The following CAMKMT variants were observed in gnomAD, a reference collection of about 807,000 sequenced individuals.
The protein encoded by CAMKMT is calmodulin-lysine N-methyltransferase.
In CAMKMT, 53 loss-of-function variants were observed where a neutral mutation model predicts 48.0. The observed-to-expected ratio is 1.10, with a 90% CI of 0.89 to 1.39. CAMKMT has a LOEUF of 1.39. Ranked by LOEUF, CAMKMT falls within the 40% of genes most tolerant of loss-of-function variation. CAMKMT has a pLI of 0.00. For missense variants in CAMKMT, 428 were observed against 402.7 expected (o/e 1.06, Z -0.54); for synonymous variants, 165 against 152.3 (o/e 1.08, Z -0.61).
At chr2:44,620,815 G>A (rs1185734434) in intron 3 of CAMKMT, among the ~76,000 whole-genome samples, 1 of 152,154 alleles carries the variant, frequency 6.6e-6, no homozygotes, top group Non-Finnish European at 1.5e-5. Flanking sequence ...TGCCTGTTTA[G>A]AATTCAGGCT....
chr2:44,367,152 T>A (rs1269911990), intron 1 of CAMKMT, among the ~76,000 whole-genome samples: 1 of 152,222 alleles, frequency 6.6e-6, no homozygotes, highest in African/African-American at 2.4e-5. Context: ...TTCTGTTAAC[T>A]GTCCTTTTAA....
intron 3 of CAMKMT, among the ~76,000 whole-genome samples, chr2:44,567,442 A>C (rs76121819): frequency 0.012 from 1,809 of 152,284 alleles, 42 homozygotes; most frequent in African/African-American, 0.039. Context: ...GGATAGAAAA[A>C]TTATGTTCAT....
chr2:44,730,911 C>T (rs1679046739), intron 7 of CAMKMT, among the ~76,000 whole-genome samples: 3 of 152,236 alleles, frequency 2.0e-5, no homozygotes, highest in African/African-American at 7.2e-5. Context: ...ATACAAAGAA[C>T]ATGGCTGCCT....
At chr2:44,768,361 A>ATT (rs1553448674) in intron 10 of CAMKMT, among the ~76,000 whole-genome samples, 8,576 of 115,612 alleles carry the variant, frequency 0.074, 470 homozygotes, top group South Asian at 0.16. Flanking sequence ...ATATATATAT[A>ATT]TTTTTTTTTT....
intron 3 of CAMKMT, among the ~76,000 whole-genome samples, chr2:44,590,577 G>T (rs1202381783): frequency 6.6e-6 from 1 of 152,112 alleles, no homozygotes; most frequent in African/African-American, 2.4e-5. Context: ...GTCTGTTCAT[G>T]TCCTTCACCC....
intron 3 of CAMKMT, among the ~76,000 whole-genome samples, chr2:44,498,202 C>G (rs1281386670): frequency 6.6e-6 from 1 of 152,096 alleles, no homozygotes; most frequent in Non-Finnish European, 1.5e-5. Flanking sequence ...TGCTTAACCT[C>G]TCTAGATAGC....
intron 3 of CAMKMT, among the ~76,000 whole-genome samples, chr2:44,391,333 T>C (rs1303728691): frequency 6.6e-6 from 1 of 152,176 alleles, no homozygotes; most frequent in Non-Finnish European, 1.5e-5. Context: ...TAGGTTTCTT[T>C]TTTATGGATA....
intron 3 of CAMKMT, among the ~76,000 whole-genome samples, chr2:44,510,852 T>G (rs1349365133): frequency 1.3e-5 from 2 of 152,132 alleles, no homozygotes; most frequent in Admixed American, 6.5e-5. Context: ...TATCACTTTT[T>G]TTTTTTGAGG....
chr2:44,461,681 A>G (rs1320775617), intron 3 of CAMKMT, among the ~76,000 whole-genome samples: 2 of 152,360 alleles, frequency 1.3e-5, no homozygotes, highest in African/African-American at 2.4e-5. Flanking sequence ...AATGACTACT[A>G]TTATATGTTT....
At chr2:44,709,998 C>A (rs926633992) in intron 6 of CAMKMT, among the ~76,000 whole-genome samples, 18 of 151,656 alleles carry the variant, frequency 1.2e-4, no homozygotes, top group Non-Finnish European at 1.3e-4. Flanking sequence ...GTATATTATT[C>A]TTATCATTTT....
intron 3 of CAMKMT, among the ~76,000 whole-genome samples, chr2:44,509,288 C>A (rs1670417688): frequency 2.0e-5 from 3 of 150,790 alleles, no homozygotes; most frequent in African/African-American, 7.3e-5. Flanking sequence ...TAGACTATTA[C>A]AAAAAAAAAG....
At chr2:44,627,543 T>A (rs190223795) in intron 3 of CAMKMT, among the ~76,000 whole-genome samples, 10 of 152,148 alleles carry the variant, frequency 6.6e-5, no homozygotes, top group African/African-American at 2.4e-4. Context: ...AAAGTTTCGT[T>A]CACAGATTCA....
chr2:44,375,319 G>A (rs1052593079), intron 2 of CAMKMT, among the ~76,000 whole-genome samples: 4 of 150,996 alleles, frequency 2.6e-5, no homozygotes, highest in African/African-American at 7.3e-5. Flanking sequence ...GAAAAAAAAG[G>A]GATGAATAGT....
At chr2:44,565,513 C>A (rs144436999) in intron 3 of CAMKMT, among the ~76,000 whole-genome samples, 1 of 152,000 alleles carries the variant, frequency 6.6e-6, no homozygotes, top group Non-Finnish European at 1.5e-5. Flanking sequence ...AGAGTTTGTG[C>A]TTACTTTACA....
At chr2:44,475,938 A>G (rs1216583821) in intron 3 of CAMKMT, among the ~76,000 whole-genome samples, 1 of 152,240 alleles carries the variant, frequency 6.6e-6, no homozygotes. Flanking sequence ...GCTTTAGGAT[A>G]TCCTTTGAAA....
intron 3 of CAMKMT, among the ~76,000 whole-genome samples, chr2:44,614,174 T>A (rs1671747301): frequency 6.6e-6 from 1 of 152,142 alleles, no homozygotes; most frequent in Non-Finnish European, 1.5e-5. Context: ...ATATTGAAAG[T>A]GAAAAACAGA....
chr2:44,584,781 G>A (rs1353899561), intron 3 of CAMKMT, among the ~76,000 whole-genome samples: 2 of 152,110 alleles, frequency 1.3e-5, no homozygotes, highest in African/African-American at 4.8e-5. Context: ...TAGGCCGGGT[G>A]CGGTGGCTCA....
intron 1 of CAMKMT, among the ~76,000 whole-genome samples, chr2:44,371,712 G>A (rs1679197642): frequency 1.3e-5 from 2 of 152,034 alleles, no homozygotes; most frequent in African/African-American, 4.8e-5. Flanking sequence ...TTATTTTGAA[G>A]CAAATCTCAG....
intron 3 of CAMKMT, among the ~76,000 whole-genome samples, chr2:44,678,337 G>A (rs1675833408): frequency 6.6e-6 from 1 of 152,208 alleles, no homozygotes; most frequent in African/African-American, 2.4e-5. Context: ...TCCAGGTCTA[G>A]CCATGTCTGT....
Sources: allele counts gnomAD v4.1 joint callset (sites outside exome capture counted in the v4.1 genomes callset), GRCh38; gene constraint gnomAD v4.1.1; transcripts MANE v1.5; gene names NCBI Gene and HGNC (gene_info 2026-07-23, HGNC 2026-07-21).